GNAQ: variants seen among roughly 807,000 people sequenced by gnomAD.
GNAQ encodes G protein subunit alpha q, also known as guanine nucleotide-binding protein G(q) subunit alpha.
Under a neutral mutation model 43.9 loss-of-function variants are expected in GNAQ, and 8 were observed. The ratio of observed to expected loss-of-function variants is 0.18; its 90% confidence interval spans 0.11 to 0.33. The LOEUF (loss-of-function observed/expected upper bound fraction) is 0.33. Among genes scored for constraint, GNAQ ranks in the 10% least tolerant of loss-of-function variants. The pLI is 1.00. For synonymous variants in GNAQ, 155 were observed against 170.7 expected (o/e 0.91, Z 0.71); for missense variants, 158 against 450.8 (o/e 0.35, Z 5.88).
At chr9:77,740,979 A>C (rs889755356) in intron 5 of GNAQ, among the ~76,000 whole-genome samples, 1 of 152,242 alleles carries the variant, frequency 6.6e-6, no homozygotes, top group African/African-American at 2.4e-5. Flanking sequence ...ACAACAAATG[A>C]GTGTGGCTGG....
At chr9:77,757,523 A>G (rs1346467958) in intron 5 of GNAQ, among the ~76,000 whole-genome samples, 1 of 152,136 alleles carries the variant, frequency 6.6e-6, no homozygotes, top group East Asian at 1.9e-4. Flanking sequence ...TATCCTTCAC[A>G]TCTGTATCTC....
At chr9:77,873,877 G>A (rs377292535) in intron 2 of GNAQ, among the ~76,000 whole-genome samples, 51 of 152,122 alleles carry the variant, frequency 3.4e-4, no homozygotes, top group South Asian at 1.2e-3. Context: ...AGGCCGAGGC[G>A]GAGGAATCAC....
chr9:77,904,317 CTTTTTTTTTTTTTTTTT>C (rs554783626), intron 2 of GNAQ, among the ~76,000 whole-genome samples: 8 of 77,406 alleles, frequency 1.0e-4, no homozygotes, highest in South Asian at 6.4e-4. Flanking sequence ...TTCACACCGG[CTTTTTTTTTTTTTTTTT>C]TTTTTTTTTT....
chr9:77,857,812 T>C (rs1337285793), intron 2 of GNAQ, among the ~76,000 whole-genome samples: 1 of 151,838 alleles, frequency 6.6e-6, no homozygotes, highest in African/African-American at 2.4e-5. Flanking sequence ...TTTTCTTTTC[T>C]CCTGTTTACC....
At chr9:77,854,158 G>GT (rs1380575857) in intron 2 of GNAQ, among the ~76,000 whole-genome samples, 2 of 152,084 alleles carry the variant, frequency 1.3e-5, no homozygotes, top group Non-Finnish European at 2.9e-5. Flanking sequence ...GGACTATGAA[G>GT]TTTGCTTCTA....
At chr9:77,948,006 T>C (rs979663118) in intron 1 of GNAQ, among the ~76,000 whole-genome samples, 1 of 152,186 alleles carries the variant, frequency 6.6e-6, no homozygotes, top group Non-Finnish European at 1.5e-5. Flanking sequence ...GAGGATTAAA[T>C]GAATGAACAT....
chr9:77,945,341 A>T (rs1272902537), intron 1 of GNAQ, among the ~76,000 whole-genome samples: 1 of 151,472 alleles, frequency 6.6e-6, no homozygotes, highest in Non-Finnish European at 1.5e-5. Context: ...TAAGTAGTTT[A>T]AAAAAAAAGA....
intron 1 of GNAQ, among the ~76,000 whole-genome samples, chr9:77,965,779 A>T (rs1313461678): frequency 6.6e-6 from 1 of 152,108 alleles, no homozygotes; most frequent in Non-Finnish European, 1.5e-5. Flanking sequence ...TTTCTTAAAA[A>T]GTAAAACATA....
rs555951006 is a variant in GNAQ at position 77,954,907 on chromosome 9, C to T, written c.137-32562G>A. Among the ~76,000 whole-genome samples, 84 of 152,260 alleles carry T rather than the reference C, an allele frequency of 5.5e-4. 1 individual carries two copies. The highest frequency in any genetic ancestry group is 1.0e-3 in the Non-Finnish European group (70 of 68,028). On this transcript the variant is annotated intron_variant, in intron 1 of 6. Coordinates refer to ENST00000286548, the MANE Select transcript of GNAQ (RefSeq NM_002072.5). ...GCAATAGTAGTCACCAGAGAAAATT[C>T]CATATTAGCACTCTGGGTAACATGT...
At chr9:77,918,700 T>C (rs1564151594) in intron 2 of GNAQ, among the ~76,000 whole-genome samples, 2 of 152,294 alleles carry the variant, frequency 1.3e-5, no homozygotes, top group African/African-American at 2.4e-5. Context: ...TCATTTATTA[T>C]AGCCATTCCT....
chr9:77,863,295 A>C (rs1827890367), intron 2 of GNAQ, among the ~76,000 whole-genome samples: 1 of 152,186 alleles, frequency 6.6e-6, no homozygotes, highest in Non-Finnish European at 1.5e-5. Flanking sequence ...ATCTCTCTCA[A>C]GTTCAAAGTT....
chr9:78,006,956 G>C lies in GNAQ; in HGVS notation c.136+24144C>G, dbSNP rs190593229. On this transcript the variant is annotated intron_variant, in intron 1 of 6. Coordinates refer to ENST00000286548, the MANE Select transcript of GNAQ (RefSeq NM_002072.5). ...CTCATGAAAATGAGAGATGAGCCAA[G>C]TACTCTTTGCAACCTGGAATTGTTC... 9.0e-3 allele frequency among the ~76,000 whole-genome samples: 1,371 copies of C among 152,276 alleles called. 15 individuals carry two copies. Among genetic ancestry groups the C allele is most frequent in the Non-Finnish European group, 0.014 (986 of 68,010 alleles).
chr9:77,749,851 TATTAA>T (rs1348889509), intron 5 of GNAQ, among the ~76,000 whole-genome samples: 1 of 152,148 alleles, frequency 6.6e-6, no homozygotes, highest in African/African-American at 2.4e-5. Context: ...TAACAAGACC[TATTAA>T]ATTGATTTTA....
Position 78,011,480 on chromosome 9 carries a change from GA to G in GNAQ, c.136+19619del, listed in dbSNP as rs566482293. 1.6e-4 allele frequency among the ~76,000 whole-genome samples: 24 copies of G among 151,884 alleles called. No homozygotes were observed. In the East Asian group the frequency reaches 4.6e-3, roughly 29 times the overall value. On this transcript the variant is annotated intron_variant, in intron 1 of 6. Transcript: ENST00000286548. ...GAAAGGTTTACTCTAGAAAACAGAAGAAAAAAATGGACTATAATTGCTTTGC... is the reference window on the plus strand; with the variant it reads ...GAAAGGTTTACTCTAGAAAACAGAAGAAAAAATGGACTATAATTGCTTTGC...
At position 77,718,644 on chromosome 9, in the gene GNAQ, G is replaced by T. The variant is rs1825260347; in HGVS notation, c.*2679C>A. ...ATAGCTCTATTAAATAGAATATCTT[G>T]ATTCCCTAAAACTGTAACACTTATG... On this transcript the variant is annotated 3_prime_UTR_variant, in exon 7 of 7. Coordinates refer to ENST00000286548, the MANE Select transcript of GNAQ (RefSeq NM_002072.5). 4.4e-6 allele frequency: 1 copy of T among 224,812 alleles called. No homozygotes were observed. The highest frequency in any genetic ancestry group is 5.8e-5 in the Admixed American group (1 of 17,250). The allele number at this position is 224,812 out of a possible 1,614,324, so 13.9% of individuals were successfully genotyped here.
rs569439457 is a variant in GNAQ at position 77,992,320 on chromosome 9, T to G, written c.136+38780A>C. 4.7e-4 allele frequency among the ~76,000 whole-genome samples: 71 copies of G among 152,366 alleles called. No individual in the cohort carries two copies. The South Asian group carries it at 0.014, about 31-fold the overall frequency. On this transcript the variant is annotated intron_variant, in intron 1 of 6. Transcript: ENST00000286548. ...CTTAATTTCCGTAACAGAAAAGTTTTCGATTCAACTTTTGGCATTTACATC... is the reference window on the plus strand; with the variant it reads ...CTTAATTTCCGTAACAGAAAAGTTTGCGATTCAACTTTTGGCATTTACATC...
At chr9:77,993,244 T>A (rs940094938) in intron 1 of GNAQ, among the ~76,000 whole-genome samples, 2 of 152,170 alleles carry the variant, frequency 1.3e-5, no homozygotes, top group South Asian at 2.1e-4. Context: ...TTCAATTTTT[T>A]AATTAGCTGT....
intron 1 of GNAQ, among the ~76,000 whole-genome samples, chr9:77,967,661 AG>A (rs1313779678): frequency 6.6e-6 from 1 of 152,168 alleles, no homozygotes; most frequent in African/African-American, 2.4e-5. Context: ...AGGTGGGGGA[AG>A]GAAGAATGGG....
chr9:77,816,951 G>T (rs1330830926), intron 2 of GNAQ, among the ~76,000 whole-genome samples: 1 of 152,170 alleles, frequency 6.6e-6, no homozygotes, highest in African/African-American at 2.4e-5. Context: ...TAAGACTGAA[G>T]AAATCACCTT....
Sources: allele counts gnomAD v4.1 joint callset (sites outside exome capture counted in the v4.1 genomes callset), GRCh38; gene constraint gnomAD v4.1.1; transcripts MANE v1.5; gene names NCBI Gene and HGNC (gene_info 2026-07-23, HGNC 2026-07-21).